The following DPP6 variants were observed in gnomAD, a reference collection of about 807,000 sequenced individuals.
The protein encoded by DPP6 is dipeptidyl peptidase like 6.
DPP6 carries 69 observed loss-of-function variants against 122.6 expected under a neutral mutation model. The observed-to-expected ratio is 0.56, with a 90% CI of 0.46 to 0.69. The LOEUF (loss-of-function observed/expected upper bound fraction) is 0.69. Ranked by LOEUF, DPP6 falls within the 30% of genes least tolerant of loss-of-function variation. DPP6 has a pLI of 0.00. For missense variants in DPP6, 928 were observed against 1,116.9 expected, an observed-to-expected ratio of 0.83 and a Z score of 2.41; for synonymous variants, 418 against 433.1, an observed-to-expected ratio of 0.97 and a Z score of 0.43.
intron 1 of DPP6, among the ~76,000 whole-genome samples, chr7:154,131,180 A>G (rs1205381970): frequency 2.6e-5 from 4 of 152,178 alleles, no homozygotes; most frequent in Admixed American, 2.6e-4. Flanking sequence ...AAGTTTGGAA[A>G]ATTCTGGATT....
At chr7:154,166,693 C>G (rs1281455713) in intron 1 of DPP6, among the ~76,000 whole-genome samples, 1 of 142,770 alleles carries the variant, frequency 7.0e-6, no homozygotes, top group African/African-American at 3.0e-5. Context: ...GGTGGATCAC[C>G]TGAGGTCAGG....
intron 7 of DPP6, among the ~76,000 whole-genome samples, chr7:154,714,005 T>C (rs1391808181): frequency 6.6e-6 from 1 of 152,244 alleles, no homozygotes; most frequent in Non-Finnish European, 1.5e-5. Context: ...TTCTCTCAAA[T>C]TTGAAGTTCC....
chr7:154,351,883 G>T (rs1030353576), intron 1 of DPP6, among the ~76,000 whole-genome samples: 2 of 152,132 alleles, frequency 1.3e-5, no homozygotes, highest in African/African-American at 2.4e-5. Flanking sequence ...TGCTCCCCTG[G>T]GGTCCTGGAA....
chr7:154,641,771 T>G (rs1224478169), intron 6 of DPP6, among the ~76,000 whole-genome samples: 1 of 152,178 alleles, frequency 6.6e-6, no homozygotes, highest in Non-Finnish European at 1.5e-5. Flanking sequence ...GAAGAAAAAT[T>G]GGTCCTATCA....
chr7:153,796,702 A>G, the DPP6 span, among the ~76,000 whole-genome samples: 3 of 152,154 alleles, frequency 2.0e-5, no homozygotes, highest in South Asian at 4.1e-4. Context: ...ACTGAGTTCA[A>G]TGGGCCAGCA....
At chr7:154,659,200 C>T (rs115385477) in intron 6 of DPP6, among the ~76,000 whole-genome samples, 8 of 152,342 alleles carry the variant, frequency 5.3e-5, no homozygotes, top group African/African-American at 1.9e-4. Context: ...GATTGAGACC[C>T]TAAACCCAGT....
intron 16 of DPP6, among the ~76,000 whole-genome samples, chr7:154,837,288 T>G (rs981439818): frequency 6.8e-6 from 1 of 147,794 alleles, no homozygotes; most frequent in Non-Finnish European, 1.5e-5. Context: ...TGCAGGCACA[T>G]TCACATGCAT....
chr7:154,743,777 G>A (rs529694996), intron 8 of DPP6, among the ~76,000 whole-genome samples: 4 of 152,058 alleles, frequency 2.6e-5, no homozygotes, highest in Admixed American at 6.6e-5. Flanking sequence ...GCAGGGGATT[G>A]GTTCCAGGAC....
intron 1 of DPP6, among the ~76,000 whole-genome samples, chr7:154,335,285 T>A (rs534202905): frequency 8.5e-5 from 13 of 152,258 alleles, no homozygotes; most frequent in African/African-American, 3.1e-4. Context: ...CTCTTACACA[T>A]CAAGTAAGAG....
chr7:154,733,137 C>G (rs544644442), intron 8 of DPP6, among the ~76,000 whole-genome samples: 2 of 152,212 alleles, frequency 1.3e-5, no homozygotes, highest in African/African-American at 4.8e-5. Flanking sequence ...CTTCACTGTC[C>G]CACACTAACT....
chr7:153,933,680 CA>C (rs1801282672), intron 1 of DPP6, among the ~76,000 whole-genome samples: 1 of 34,350 alleles, frequency 2.9e-5, no homozygotes, highest in Non-Finnish European at 5.0e-5. Context: ...CACATTGCCA[CA>C]TTCTCTCTCT....
chr7:154,110,352 G>A lies in DPP6; in HGVS notation c.243+57289G>A, dbSNP rs2150584010. Among the ~76,000 whole-genome samples the A allele has an allele frequency of 2.0e-5, 3 of 152,252 alleles. No homozygotes were observed. The Middle Eastern group carries it at 0.01, about 518-fold the overall frequency. ...TGCTTACCCTTTACTAAGGAGTTGTGTTACATGAAACAGAAAACACTATGA... is the reference window on the plus strand; with the variant it reads ...TGCTTACCCTTTACTAAGGAGTTGTATTACATGAAACAGAAAACACTATGA... On this transcript the variant is annotated intron_variant, in intron 1 of 25. Transcript: ENST00000377770.
Position 154,486,153 on chromosome 7 carries a change from A to C in DPP6, c.457+11116A>C, listed in dbSNP as rs910860310. Among the ~76,000 whole-genome samples, 5 of 143,976 alleles carry C rather than the reference A, an allele frequency of 3.5e-5. No homozygotes were observed. Among genetic ancestry groups the C allele is most frequent in the Admixed American group, 2.0e-4 (3 of 14,654 alleles). The allele number at this position is 143,976 out of a possible 152,430, so 94.5% of individuals were successfully genotyped here. On this transcript the variant is annotated intron_variant, in intron 3 of 25. Coordinates refer to ENST00000377770, the MANE Select transcript of DPP6 (RefSeq NM_130797.4). The surrounding 1 kb of genome is among the most constrained non-coding windows in gnomAD (Gnocchi z 4.5). Reference sequence around the variant, plus strand: ...TGGCCTCTATTTTGTTTTTTTTTTGAGATGGAGTCTCACTCTATCGCCCAG... The same window carrying C: ...TGGCCTCTATTTTGTTTTTTTTTTGCGATGGAGTCTCACTCTATCGCCCAG...
In DPP6 at chr7:154,786,611, C is replaced by T. The variant is rs371027889; in HGVS notation, c.1137-7468C>T. ...CCCTTCCACCATGATTGTAAGTTTC[C>T]TGAGGCCTCTGCAGCCCTGCAGAAC... On this transcript the variant is annotated intron_variant, in intron 10 of 25. Coordinates refer to ENST00000377770, the MANE Select transcript of DPP6 (RefSeq NM_130797.4). Among the ~76,000 whole-genome samples, 18 of 152,266 alleles carry T rather than the reference C, an allele frequency of 1.2e-4. No individual in the cohort carries two copies. The East Asian group carries it at 2.9e-3, about 25-fold the overall frequency.
chr7:154,029,907 A>C (rs1188556220), intron 1 of DPP6, among the ~76,000 whole-genome samples: 2 of 151,738 alleles, frequency 1.3e-5, no homozygotes, highest in Non-Finnish European at 2.9e-5. Context: ...AAAAATTAGC[A>C]ATTTTAGGCC....
chr7:154,814,988 C>T (rs113579074), intron 16 of DPP6, among the ~76,000 whole-genome samples: 1 of 152,188 alleles, frequency 6.6e-6, no homozygotes, highest in Non-Finnish European at 1.5e-5. Context: ...GTCACATTCA[C>T]AGGAACCGAG....
chr7:154,575,143 ATG>A (rs1484895547), intron 5 of DPP6, among the ~76,000 whole-genome samples: 1 of 89,824 alleles, frequency 1.1e-5, no homozygotes, highest in Non-Finnish European at 2.1e-5. Flanking sequence ...TGGTATGTGT[ATG>A]TGTGTGTGGT....
At chr7:154,212,298 C>T (rs1423437272) in intron 1 of DPP6, among the ~76,000 whole-genome samples, 1 of 152,148 alleles carries the variant, frequency 6.6e-6, no homozygotes, top group Admixed American at 6.5e-5. Flanking sequence ...AAAAGAAATA[C>T]CAAATGCATT....
intron 16 of DPP6, among the ~76,000 whole-genome samples, chr7:154,845,004 A>G (rs980483832): frequency 9.9e-5 from 15 of 152,228 alleles, no homozygotes; most frequent in African/African-American, 3.6e-4. Context: ...ATGTACGAAC[A>G]GAGAGACCAC....
Sources: allele counts gnomAD v4.1 joint callset (sites outside exome capture counted in the v4.1 genomes callset), GRCh38; gene constraint gnomAD v4.1.1; non-coding constraint Gnocchi (gnomAD v3.1); transcripts MANE v1.5; gene names NCBI Gene and HGNC (gene_info 2026-07-23, HGNC 2026-07-21).